Variants in PTPRT observed in about 807,000 individuals in gnomAD.
PTPRT encodes the protein protein tyrosine phosphatase receptor type T.
Under a neutral mutation model 176.8 loss-of-function variants are expected in PTPRT, and 56 were observed. The ratio of observed to expected loss-of-function variants is 0.32; its 90% CI spans 0.26 to 0.40. The LOEUF (loss-of-function observed/expected upper bound fraction) is 0.40, where lower values mean the gene tolerates loss of function less well. Among genes scored for constraint, PTPRT ranks in the 10% least tolerant of loss-of-function variants. The probability of loss-of-function intolerance (pLI) is 1.00; values close to 1 mark genes in which losing one functional copy is unlikely to be tolerated. For synonymous variants in PTPRT, 783 were observed against 739.0 expected (o/e 1.06, Z -0.96); for missense variants, 1,540 against 1,908.2 (o/e 0.81, Z 3.60).
At chr20:42,367,995 TCTC>T (rs1312220535) in intron 9 of PTPRT, among the ~76,000 whole-genome samples, 3 of 152,146 alleles carry the variant, frequency 2.0e-5, no homozygotes, top group African/African-American at 7.2e-5. Context: ...GGACCCCTGA[TCTC>T]CTGAGGCTCT....
intron 11 of PTPRT, among the ~76,000 whole-genome samples, chr20:42,344,229 T>C (rs2058154557): frequency 6.6e-6 from 1 of 152,184 alleles, no homozygotes; most frequent in South Asian, 2.1e-4. Flanking sequence ...AATTACCAGT[T>C]GCAATTTACA....
intron 11 of PTPRT, among the ~76,000 whole-genome samples, chr20:42,340,127 G>A (rs6016752): frequency 0.16 from 24,071 of 152,058 alleles, 2,964 homozygotes; most frequent in East Asian, 0.4. Flanking sequence ...GTGGCCATTG[G>A]GTACTTGAGA....
chr20:43,172,978 T>G (rs2015040480), intron 1 of PTPRT, among the ~76,000 whole-genome samples: 1 of 151,156 alleles, frequency 6.6e-6, no homozygotes, highest in Non-Finnish European at 1.5e-5. Context: ...GTTCAAGGGA[T>G]TCTCCTGCCT....
chr20:42,918,107 C>A (rs1978900567), intron 1 of PTPRT, among the ~76,000 whole-genome samples: 1 of 152,072 alleles, frequency 6.6e-6, no homozygotes, highest in Admixed American at 6.5e-5. Context: ...AGTTCAGGGG[C>A]AGTAAGAGCT....
chr20:42,186,668 C>G (rs1359063423), intron 16 of PTPRT, among the ~76,000 whole-genome samples: 1 of 151,956 alleles, frequency 6.6e-6, no homozygotes, highest in Admixed American at 6.6e-5. Context: ...TTGTTTTAAC[C>G]CAGGGATGAG....
At chr20:42,634,732 G>C (rs916194193) in intron 7 of PTPRT, among the ~76,000 whole-genome samples, 5 of 152,076 alleles carry the variant, frequency 3.3e-5, no homozygotes, top group African/African-American at 1.2e-4. Context: ...TGGCATTTTA[G>C]AGAGATGAAA....
At chr20:42,853,250 C>A (rs2078506441) in intron 2 of PTPRT, among the ~76,000 whole-genome samples, 2 of 151,978 alleles carry the variant, frequency 1.3e-5, no homozygotes, top group Non-Finnish European at 2.9e-5. Flanking sequence ...TTAAGGTTCT[C>A]CAGAGAAATA....
chr20:42,303,319 G>A (rs1473914234), intron 12 of PTPRT, among the ~76,000 whole-genome samples: 1 of 152,198 alleles, frequency 6.6e-6, no homozygotes, highest in African/African-American at 2.4e-5. Flanking sequence ...ATTTGTTGAT[G>A]TTAATGGCAG....
intron 6 of PTPRT, among the ~76,000 whole-genome samples, chr20:42,727,309 C>A (rs1452747375): frequency 6.6e-6 from 1 of 152,182 alleles, no homozygotes; most frequent in Non-Finnish European, 1.5e-5. Context: ...TTCGGTGAAG[C>A]TTCTTCAGTT....
chr20:43,076,014 T>C (rs2011265118), intron 1 of PTPRT, among the ~76,000 whole-genome samples: 1 of 152,206 alleles, frequency 6.6e-6, no homozygotes, highest in African/African-American at 2.4e-5. Flanking sequence ...TTATCAAATT[T>C]TTCTAAACAT....
At chr20:42,622,406 A>C (rs1053888966) in intron 7 of PTPRT, among the ~76,000 whole-genome samples, 1 of 151,950 alleles carries the variant, frequency 6.6e-6, no homozygotes, top group African/African-American at 2.4e-5. Context: ...CATGCCGGCT[A>C]ATTTTTTGTA....
intron 9 of PTPRT, among the ~76,000 whole-genome samples, chr20:42,362,626 A>C (rs572724885): frequency 3.3e-5 from 5 of 152,210 alleles, no homozygotes; most frequent in Non-Finnish European, 5.9e-5. Flanking sequence ...GTGAAATTCA[A>C]ATAAGGCCTG....
intron 27 of PTPRT, among the ~76,000 whole-genome samples, chr20:42,094,447 G>A (rs933148450): frequency 1.3e-5 from 2 of 151,830 alleles, no homozygotes; most frequent in African/African-American, 4.8e-5. Context: ...TTTTTGACAG[G>A]GTCTTACTCT....
chr20:42,107,284 AAC>A (rs757516007), intron 23 of PTPRT, among the ~76,000 whole-genome samples: 3 of 152,078 alleles, frequency 2.0e-5, no homozygotes, highest in Admixed American at 1.3e-4. Context: ...GAGGAGAGAG[AAC>A]AGAGGGGAGA....
intron 1 of PTPRT, among the ~76,000 whole-genome samples, chr20:42,999,623 TGTTGTTGTTGTGGTG>T (rs1984430724): frequency 6.6e-6 from 1 of 151,466 alleles, no homozygotes. Context: ...TTTTTGTTGT[TGTTGTTGTTGTGGTG>T]GTTGTTGTTG....
rs187495147 is a variant in PTPRT, at chr20:42,822,941, T to C, written c.215-31475A>G. The stretch of plus-strand genomic sequence containing the variant: ...AGAAATGTAAATGATTTTACACTGT[T>C]GGTAGGAATGTAACAACCATTGTTG... On this transcript the variant is annotated intron_variant, in intron 2 of 30. Coordinates refer to ENST00000373187, the MANE Select transcript of PTPRT (RefSeq NM_007050.6). Among the ~76,000 whole-genome samples the C allele has an allele frequency of 1.4e-3, 209 of 152,278 alleles. 1 individual carries two copies. The highest frequency in any genetic ancestry group is 3.4e-3 in the Middle Eastern group (1 of 294).
intron 1 of PTPRT, among the ~76,000 whole-genome samples, chr20:43,000,817 T>C (rs1341044244): frequency 1.3e-5 from 2 of 152,096 alleles, no homozygotes; most frequent in African/African-American, 2.4e-5. Context: ...AAAATATTCA[T>C]AATCTTAAAG....
At chr20:42,484,444 A>C (rs997751102) in intron 7 of PTPRT, among the ~76,000 whole-genome samples, 2 of 152,248 alleles carry the variant, frequency 1.3e-5, no homozygotes, top group Admixed American at 6.5e-5. Context: ...CAGATTAGAC[A>C]GACACTGCCA....
intron 16 of PTPRT, among the ~76,000 whole-genome samples, chr20:42,184,614 T>TCTTCTTCTTCTTCTTCTTCTTCTCCTC (rs1990692690): frequency 2.1e-5 from 3 of 142,568 alleles, no homozygotes; most frequent in African/African-American, 8.4e-5. Context: ...TTCTTCTTCT[T>TCTTCTTCTTCTTCTTCTTCTTCTCCTC]CTCCTCCTTC....
Sources: allele counts gnomAD v4.1 joint callset (sites outside exome capture counted in the v4.1 genomes callset), GRCh38; gene constraint gnomAD v4.1.1; transcripts MANE v1.5; gene names NCBI Gene and HGNC (gene_info 2026-07-23, HGNC 2026-07-21).